Variants in IARS2 observed in about 807,000 individuals in gnomAD.
IARS2 encodes the protein isoleucyl-tRNA synthetase 2, mitochondrial.
A neutral mutation model predicts 126.3 loss-of-function variants in IARS2; 56 were observed. The observed-to-expected ratio is 0.44, with a 90% CI of 0.36 to 0.55. The LOEUF is 0.55. Ranked by LOEUF, IARS2 falls within the 20% of genes least tolerant of loss-of-function variation. The pLI is 0.00. For missense variants in IARS2, 1,127 were observed against 1,245.9 expected (o/e 0.90, Z 1.44); for synonymous variants, 407 against 441.1 (o/e 0.92, Z 0.97).
At chr1:220,146,306 G>A (rs1467565945) in intron 22 of IARS2, among the ~76,000 whole-genome samples, 1 of 152,014 alleles carries the variant, frequency 6.6e-6, no homozygotes, top group Non-Finnish European at 1.5e-5. Context: ...CGTGAGGTCA[G>A]GAGATTGAGA....
At chr1:220,113,505 A>G (rs1194572400) in intron 11 of IARS2, among the ~76,000 whole-genome samples, 2 of 152,188 alleles carry the variant, frequency 1.3e-5, no homozygotes, top group Non-Finnish European at 2.9e-5. Context: ...CATTTTTGCT[A>G]TACAGTTAAT....
intron 2 of IARS2, among the ~76,000 whole-genome samples, chr1:220,096,532 C>T (rs1409386174): frequency 1.3e-5 from 2 of 152,168 alleles, no homozygotes; most frequent in Non-Finnish European, 2.9e-5. Context: ...GGCAGTATGG[C>T]TCATGCCTGT....
chr1:220,130,545 G>A (rs1436975701), intron 14 of IARS2, among the ~76,000 whole-genome samples: 1 of 151,972 alleles, frequency 6.6e-6, no homozygotes, highest in Non-Finnish European at 1.5e-5. Flanking sequence ...ATGGTGAGAG[G>A]TAGGGGTCTA....
chr1:220,132,090 G>A (rs1657282277), intron 14 of IARS2, among the ~76,000 whole-genome samples: 1 of 152,100 alleles, frequency 6.6e-6, no homozygotes, highest in Admixed American at 6.6e-5. Context: ...GCTACCGCAA[G>A]TGGCCTGTTG....
chr1:220,133,301 C>T (rs779225871), intron 14 of IARS2, among the ~76,000 whole-genome samples: 6 of 152,014 alleles, frequency 3.9e-5, no homozygotes, highest in Admixed American at 6.6e-5. Context: ...ACACTGCACC[C>T]GGCCCCATCA....
At chr1:220,107,719 G>A (rs1656710265) in intron 10 of IARS2, among the ~76,000 whole-genome samples, 1 of 152,186 alleles carries the variant, frequency 6.6e-6, no homozygotes, top group African/African-American at 2.4e-5. Context: ...ATTCTCTCAA[G>A]TGCTGGAAGC....
In IARS2 at chr1:220,102,269, TATG is replaced by T; in HGVS notation, c.694_696del (p.Asp232del). On this transcript the variant is annotated inframe_deletion, in exon 4 of 23. Coordinates refer to ENST00000366922, the MANE Select transcript of IARS2 (RefSeq NM_018060.4). ...ACAGTTGAGAACTTTTTACCAAATG[TATG>T]ATAAGGTAAAGAAGTATTTTTTCTC... 1 of 1,607,036 alleles carries T rather than the reference TATG, an allele frequency of 6.2e-7. No individual in the cohort carries two copies. The highest frequency in any genetic ancestry group is 8.5e-7 in the Non-Finnish European group (1 of 1,178,330).
At chr1:220,103,701 A>C in intron 8 of IARS2, 139 bp downstream of exon 8, 1 of 554,866 alleles carries the variant, frequency 1.8e-6, no homozygotes, top group Non-Finnish European at 3.3e-6. Flanking sequence ...CATTGATTAC[A>C]CTAAAGGAGA....
intron 14 of IARS2, among the ~76,000 whole-genome samples, chr1:220,132,525 CTTTTT>C (rs1368575100): frequency 1.6e-5 from 2 of 128,968 alleles, no homozygotes; most frequent in African/African-American, 2.8e-5. Flanking sequence ...CTTTCTCTCT[CTTTTT>C]TTTTTTTTTT....
chr1:220,126,784 G>C lies in IARS2; in HGVS notation c.1778G>C (p.Gly593Ala), dbSNP rs1476034086. 1 of 1,613,168 alleles carries C rather than the reference G, an allele frequency of 6.2e-7. No individual in the cohort carries two copies. Among genetic ancestry groups the C allele is most frequent in the African/African-American group, 1.3e-5 (1 of 74,888 alleles). ...CCTGATGCCTTGGAATATGTGCCAG[G>C]TCAGGATATTTTGGACATCTGGTTT... is the stretch of plus-strand genomic sequence containing the variant. Reference protein sequence around the residue: ...GGPDALEYVPGQDILDIWFDS... With the variant: ...GGPDALEYVPAQDILDIWFDS... Residue 593 changes from glycine to alanine, a missense_variant, in exon 14 of 23, where the codon GGT (glycine) becomes GCT (alanine). Coordinates refer to ENST00000366922, the MANE Select transcript of IARS2 (RefSeq NM_018060.4).
Position 220,137,906 on chromosome 1 carries a change from C to G in IARS2, c.2050-12C>G, listed in dbSNP as rs1657411271. The G allele has an allele frequency of 6.2e-7, 1 of 1,612,250 alleles. No individual in the cohort carries two copies. The highest frequency in any genetic ancestry group is 2.2e-5 in the East Asian group (1 of 44,850). On this transcript the variant is annotated splice_polypyrimidine_tract_variant and intron_variant, in intron 16 of 22. Coordinates refer to ENST00000366922, the MANE Select transcript of IARS2 (RefSeq NM_018060.4). ...AGCCATTGTGTTTATATATTTTTTT[C>G]TCAATGAAAAGGATCAAAGCAAAGA...
At chr1:220,107,544 C>T (rs1489326317) in intron 10 of IARS2, among the ~76,000 whole-genome samples, 1 of 152,176 alleles carries the variant, frequency 6.6e-6, no homozygotes. Context: ...ATCCTCCAGC[C>T]TTGAATTGTC....
chr1:220,144,280 T>G (rs765299064), intron 21 of IARS2: 27 of 762,144 alleles, frequency 3.5e-5, no homozygotes, highest in Non-Finnish European at 6.2e-5. Flanking sequence ...AATAAGCACC[T>G]GGCTTTTGCC....
At position 220,136,819 on chromosome 1, in the gene IARS2, G is replaced by A. The variant is rs937071809; in HGVS notation, c.1957G>A (p.Val653Ile). 3 of 1,587,644 alleles carry A rather than the reference G, an allele frequency of 1.9e-6. No individual in the cohort carries two copies. Among genetic ancestry groups the A allele is most frequent in the Non-Finnish European group, 8.6e-7 (1 of 1,157,654 alleles). Residue 653 changes from valine (V) to isoleucine (I), a missense_variant, in exon 16 of 23, where the codon GTT becomes ATT. Transcript: ENST00000366922. Reference protein sequence around the residue: ...RKRAPYKTVIVHGFTLGEKGE... With the variant: ...RKRAPYKTVIIHGFTLGEKGE... ...GATTTGTCCCTTTAGGACAGTGATT[G>A]TTCATGGATTTACCCTTGGAGAAAA...
chr1:220,137,977 C>A lies in IARS2; in HGVS notation c.2109C>A (p.Ser703=). ...ADVLRWWVAD[S]NVFTEVAIGP... is the part of the protein sequence containing the mutation. ...TCCTTCGCTGGTGGGTAGCTGATTC[C>A]AATGTCTTCACCGAAGTTGCAATTG... The change falls in exon 17 of 23, where the codon TCC becomes TCA. Residue 703 remains serine (S), a synonymous_variant. Coordinates refer to ENST00000366922, the MANE Select transcript of IARS2 (RefSeq NM_018060.4). 6.2e-7 allele frequency: 1 copy of A among 1,614,094 alleles called. No homozygotes were observed. Among genetic ancestry groups the A allele is most frequent in the East Asian group, 2.2e-5 (1 of 44,878 alleles).
intron 11 of IARS2, among the ~76,000 whole-genome samples, chr1:220,111,596 ATATG>A (rs1377963903): frequency 3.3e-4 from 44 of 133,338 alleles, no homozygotes; most frequent in East Asian, 1.1e-3. Context: ...ATATATATAT[ATATG>A]TGTGTGTGTG....
At chr1:220,132,072 A>G (rs377398861) in intron 14 of IARS2, among the ~76,000 whole-genome samples, 4 of 152,276 alleles carry the variant, frequency 2.6e-5, no homozygotes, top group East Asian at 3.9e-4. Context: ...TTGGTATTAC[A>G]GGCATGAGCT....
At chr1:220,125,626 A>C (rs561330304) in intron 13 of IARS2, among the ~76,000 whole-genome samples, 1 of 152,276 alleles carries the variant, frequency 6.6e-6, no homozygotes, top group Non-Finnish European at 1.5e-5. Flanking sequence ...CAATATGGCA[A>C]AACCCTGTCT....
chr1:220,133,481 C>T (rs1033140054), intron 14 of IARS2, among the ~76,000 whole-genome samples: 1 of 152,148 alleles, frequency 6.6e-6, no homozygotes, highest in African/African-American at 2.4e-5. Context: ...GTTTCCCCAC[C>T]TCCACTCAGT....
Sources: gnomAD v4.1 joint callset for allele counts (sites outside exome capture counted in the v4.1 genomes callset) on GRCh38, gnomAD v4.1.1 for gene constraint, MANE v1.5 for transcripts, NCBI Gene and HGNC (gene_info 2026-07-23, HGNC 2026-07-21) for gene names.